The following DNAJC8 variants were observed in gnomAD, a reference collection of about 807,000 sequenced individuals.
The protein encoded by DNAJC8 is DnaJ heat shock protein family (Hsp40) member C8, also known as dnaJ homolog subfamily C member 8.
In DNAJC8, 24 loss-of-function variants were observed where a neutral mutation model predicts 43.2. The observed-to-expected ratio is 0.56, with a 90% CI of 0.40 to 0.78. DNAJC8 has a LOEUF of 0.78. Ranked by LOEUF, DNAJC8 falls within the 30% of genes least tolerant of loss-of-function variation. DNAJC8 has a pLI of 0.00. For synonymous variants in DNAJC8, 83 were observed against 98.0 expected, an observed-to-expected ratio of 0.85 and a Z score of 0.90; for missense variants, 207 against 299.4, an observed-to-expected ratio of 0.69 and a Z score of 2.28.
chr1:28,230,591 AT>A (rs1235370730), intron 1 of DNAJC8, among the ~76,000 whole-genome samples: 1 of 152,014 alleles, frequency 6.6e-6, no homozygotes, highest in African/African-American at 2.4e-5. Flanking sequence ...TTCCTTAGAT[AT>A]TTTTTCCCAT....
At chr1:28,225,953 C>T (rs1252507223) in intron 2 of DNAJC8, among the ~76,000 whole-genome samples, 1 of 150,770 alleles carries the variant, frequency 6.6e-6, no homozygotes, top group African/African-American at 2.4e-5. Context: ...ATCCTCCCAC[C>T]TTGGCCTCCC....
Position 28,212,180 on chromosome 1 carries a change from T to A in DNAJC8, c.238-1543A>T, listed in dbSNP as rs1259610437. Among the ~76,000 whole-genome samples, 343 of 43,888 alleles carry A rather than the reference T, an allele frequency of 7.8e-3. 18 individuals carry two copies. The highest frequency in any genetic ancestry group is 0.022 in the African/African-American group (215 of 9,984). The allele number at this position is 43,888 out of a possible 152,430, so 28.8% of individuals were successfully genotyped here. On this transcript the variant is annotated intron_variant, in intron 3 of 8. Coordinates refer to ENST00000263697, the MANE Select transcript of DNAJC8 (RefSeq NM_014280.3). ...CAATAAATAAATAAATATATATATA[T>A]ATATATATATATATATATATATATA...
chr1:28,232,395 T>C (rs1646982468), intron 1 of DNAJC8, among the ~76,000 whole-genome samples: 1 of 152,196 alleles, frequency 6.6e-6, no homozygotes. Context: ...TGTCCTAACA[T>C]ACCACCAAGC....
intron 4 of DNAJC8, 90 bp from the exon 5 acceptor site, chr1:28,210,156 C>G (rs945863062): frequency 7.7e-6 from 8 of 1,041,556 alleles, no homozygotes; most frequent in Middle Eastern, 2.1e-4. Context: ...CTTGTGCTCT[C>G]TAAAGCATTC....
chr1:28,231,501 G>A (rs1459041101), intron 1 of DNAJC8, among the ~76,000 whole-genome samples: 2 of 151,404 alleles, frequency 1.3e-5, no homozygotes, highest in Admixed American at 1.3e-4. Context: ...AGGACCTTAA[G>A]TCAGGAGATC....
chr1:28,207,922 G>A lies in DNAJC8; in HGVS notation c.471+420C>T, dbSNP rs530853813. Among the ~76,000 whole-genome samples the A allele has an allele frequency of 1.3e-3, 200 of 152,048 alleles. 2 individuals are homozygous for A. The highest frequency in any genetic ancestry group is 4.0e-4 in the Non-Finnish European group (27 of 67,970). On this transcript the variant is annotated intron_variant, in intron 6 of 8. Transcript: ENST00000263697. ...AATACAAAAAAATTAGCCAGAGGCCGGGCAGGGTGGCTCATGCCTGTAGCC... is the reference window on the plus strand; with the variant it reads ...AATACAAAAAAATTAGCCAGAGGCCAGGCAGGGTGGCTCATGCCTGTAGCC...
intron 2 of DNAJC8, among the ~76,000 whole-genome samples, chr1:28,226,700 C>T (rs905699163): frequency 2.6e-5 from 4 of 151,022 alleles, no homozygotes; most frequent in African/African-American, 9.7e-5. Flanking sequence ...TACCCAACTA[C>T]TTTGTTGGAG....
chr1:28,209,138 C>CTTTCGGCAG (rs1343155778), intron 5 of DNAJC8, among the ~76,000 whole-genome samples: 3 of 152,182 alleles, frequency 2.0e-5, no homozygotes, highest in Non-Finnish European at 4.4e-5. Flanking sequence ...CTGTCAGGCA[C>CTTTCGGCAG]TTTCCCTATT....
intron 6 of DNAJC8, among the ~76,000 whole-genome samples, chr1:28,205,948 C>G (rs1432068048): frequency 6.6e-6 from 1 of 152,096 alleles, no homozygotes; most frequent in African/African-American, 2.4e-5. Context: ...TTTCAAGAGG[C>G]TAAGACAGCA....
In DNAJC8 at chr1:28,201,374, A is replaced by T; in HGVS notation, c.640-4T>A. ...CCACACGACCATCTCGACTTTCCTA[A>T]GTACAAAAGAAGTTTGAGGTGAGGA... On this transcript the variant is annotated splice_polypyrimidine_tract_variant and splice_region_variant and intron_variant, in intron 8 of 8. Coordinates refer to ENST00000263697, the MANE Select transcript of DNAJC8 (RefSeq NM_014280.3). 1 of 1,613,946 alleles carries T rather than the reference A, an allele frequency of 6.2e-7. No homozygotes were observed. Among genetic ancestry groups the T allele is most frequent in the Non-Finnish European group, 8.5e-7 (1 of 1,180,014 alleles).
intron 8 of DNAJC8, 147 bp from the exon 9 acceptor site, chr1:28,201,517 A>T: frequency 3.1e-6 from 4 of 1,275,704 alleles, no homozygotes; most frequent in Non-Finnish European, 4.3e-6. Context: ...GGCCAGGCAC[A>T]GTGGCTCATA....
Position 28,220,485 on chromosome 1 carries a change from C to A in DNAJC8, c.181-5489G>T, listed in dbSNP as rs145914535. Among the ~76,000 whole-genome samples the A allele has an allele frequency of 8.5e-3, 1,289 of 152,284 alleles. 14 individuals carry two copies. Among genetic ancestry groups the A allele is most frequent in the South Asian group, 0.026 (126 of 4,834 alleles). ...GAAAAGAAATGTATTTCTTATACTT[C>A]TGTAGGCTGGGAAGTTCAAGGTTGA... On this transcript the variant is annotated intron_variant, in intron 2 of 8. Transcript: ENST00000263697.
chr1:28,232,764 G>A (rs1411808167), intron 1 of DNAJC8, among the ~76,000 whole-genome samples, 157 bp downstream of exon 1: 1 of 152,036 alleles, frequency 6.6e-6, no homozygotes, highest in East Asian at 1.9e-4. Flanking sequence ...AGCTATCAGT[G>A]GGAGACGCTC....
intron 3 of DNAJC8, among the ~76,000 whole-genome samples, chr1:28,213,424 T>C (rs1646828825): frequency 6.6e-6 from 1 of 151,782 alleles, no homozygotes; most frequent in Non-Finnish European, 1.5e-5. Context: ...TAAAGTTATA[T>C]AATGGGATAT....
intron 6 of DNAJC8, among the ~76,000 whole-genome samples, chr1:28,206,371 C>T (rs1348008555): frequency 6.6e-6 from 1 of 151,744 alleles, no homozygotes; most frequent in Non-Finnish European, 1.5e-5. Flanking sequence ...CTACTTCAGC[C>T]CCCAAAGCAC....
At chr1:28,208,505 A>G in intron 5 of DNAJC8, 92 bp from the exon 6 acceptor site, 1 of 701,616 alleles carries the variant, frequency 1.4e-6, no homozygotes, top group Non-Finnish European at 2.1e-6. Context: ...AACTTTCTAT[A>G]GGCACGGGTA....
In DNAJC8 at chr1:28,201,115, C is replaced by T. The variant is rs1342896626; in HGVS notation, c.*133G>A. The T allele has an allele frequency of 1.1e-5, 14 of 1,292,186 alleles. No homozygotes were observed. Among genetic ancestry groups the T allele is most frequent in the Admixed American group, 4.4e-5 (2 of 45,600 alleles). 80.0% of individuals were successfully genotyped at this position (1,292,186 alleles called of 1,614,324 possible). A position where few individuals can be genotyped will look rare whatever the true frequency, so the allele number is the denominator to read the frequency against. On this transcript the variant is annotated 3_prime_UTR_variant, in exon 9 of 9. Coordinates refer to ENST00000263697, the MANE Select transcript of DNAJC8 (RefSeq NM_014280.3). ...AGAATTACTCTGATCGATATTAAAT[C>T]GTATTGAAAACAAAATGGACTAAAA...
At chr1:28,221,867 G>T (rs1265875373) in intron 2 of DNAJC8, among the ~76,000 whole-genome samples, 1 of 152,068 alleles carries the variant, frequency 6.6e-6, no homozygotes, top group East Asian at 1.9e-4. Context: ...GAATGAATAG[G>T]CAAAATGTGG....
At chr1:28,229,127 G>T in intron 1 of DNAJC8, 104 bp from the exon 2 acceptor site, 1 of 941,126 alleles carries the variant, frequency 1.1e-6, no homozygotes, top group Non-Finnish European at 1.6e-6. Context: ...TTATTTGTGT[G>T]TTTACCATGT....
Sources: allele counts gnomAD v4.1 joint callset (sites outside exome capture counted in the v4.1 genomes callset), GRCh38; gene constraint gnomAD v4.1.1; transcripts MANE v1.5; gene names NCBI Gene and HGNC (gene_info 2026-07-23, HGNC 2026-07-21).